EML5: variants seen among roughly 807,000 people sequenced by gnomAD.
EML5 encodes the protein EMAP like 5, also known as echinoderm microtubule-associated protein-like 5.
EML5 carries 120 observed loss-of-function variants against 250.0 expected under a neutral mutation model. The observed-to-expected ratio is 0.48, with a 90% CI of 0.41 to 0.56. The LOEUF is 0.56. Ranked by LOEUF, EML5 falls within the 20% of genes least tolerant of loss-of-function variation. The probability of loss-of-function intolerance (pLI) is 0.00; values close to 1 mark genes in which losing one functional copy is unlikely to be tolerated. For missense variants in EML5, 2,006 were observed against 2,437.6 expected (o/e 0.82, Z 3.73); for synonymous variants, 771 against 806.5 (o/e 0.96, Z 0.75).
intron 1 of EML5, among the ~76,000 whole-genome samples, chr14:88,773,930 C>G (rs2094421132): frequency 6.6e-6 from 1 of 152,054 alleles, no homozygotes; most frequent in African/African-American, 2.4e-5. Context: ...ACCAGCCTGG[C>G]CAACATGGTA....
At chr14:88,622,072 C>G in intron 37 of EML5, 1 of 276,882 alleles carries the variant, frequency 3.6e-6, no homozygotes, top group South Asian at 3.5e-5. Flanking sequence ...CTATTCTACT[C>G]TCCACCTCTG....
chr14:88,726,497 C>G, intron 8 of EML5, 44 bp downstream of exon 8: 1 of 1,520,992 alleles, frequency 6.6e-7, no homozygotes, highest in Admixed American at 1.9e-5. Flanking sequence ...TATTCTGTAT[C>G]ACTGAAGATA....
At position 88,615,725 on chromosome 14, in the gene EML5, T is replaced by G; in HGVS notation, c.*93A>C. On this transcript the variant is annotated 3_prime_UTR_variant, in exon 44 of 44. Transcript: ENST00000554922. The stretch of plus-strand genomic sequence containing the variant: ...CATTTCTCCCTGTTACAGTCTTGGG[T>G]TAGCACCACTTGACCATGCAGGGTT... The G allele has an allele frequency of 8.3e-7, 1 of 1,202,986 alleles. No individual in the cohort carries two copies. The highest frequency in any genetic ancestry group is 1.4e-5 in the South Asian group (1 of 71,684). 74.5% of individuals were successfully genotyped at this position (1,202,986 alleles called of 1,614,324 possible).
intron 21 of EML5, among the ~76,000 whole-genome samples, chr14:88,671,661 CAT>C (rs1232392868): frequency 6.6e-6 from 1 of 152,148 alleles, no homozygotes; most frequent in Non-Finnish European, 1.5e-5. Flanking sequence ...AGATCTATCT[CAT>C]GTGTAAAGAC....
chr14:88,753,389 A>G (rs1229308114), intron 2 of EML5, among the ~76,000 whole-genome samples: 1 of 152,216 alleles, frequency 6.6e-6, no homozygotes, highest in Non-Finnish European at 1.5e-5. Context: ...TAATATATAA[A>G]AACATCTACT....
chr14:88,761,559 G>A (rs1026903419), intron 1 of EML5, among the ~76,000 whole-genome samples: 72 of 152,212 alleles, frequency 4.7e-4, no homozygotes, highest in African/African-American at 1.7e-3. Flanking sequence ...GCATTCCATG[G>A]TGTGTATGTG....
chr14:88,722,651 C>T (rs2093608248), intron 8 of EML5, among the ~76,000 whole-genome samples: 1 of 152,048 alleles, frequency 6.6e-6, no homozygotes, highest in African/African-American at 2.4e-5. Context: ...GGAAAAATAG[C>T]TAATGCATAC....
At chr14:88,721,617 C>G (rs1489408107) in intron 8 of EML5, among the ~76,000 whole-genome samples, 1 of 152,086 alleles carries the variant, frequency 6.6e-6, no homozygotes, top group Non-Finnish European at 1.5e-5. Flanking sequence ...AAAATTAACT[C>G]AAGAGGGATT....
intron 1 of EML5, among the ~76,000 whole-genome samples, chr14:88,765,388 G>T (rs1421512852): frequency 6.6e-6 from 1 of 152,092 alleles, no homozygotes; most frequent in Non-Finnish European, 1.5e-5. Context: ...CTGTCAAGGG[G>T]GAACTGCTCA....
intron 9 of EML5, among the ~76,000 whole-genome samples, chr14:88,713,623 T>C (rs2139888066): frequency 6.6e-6 from 1 of 150,994 alleles, no homozygotes; most frequent in African/African-American, 2.4e-5. Context: ...CTGCTCATTT[T>C]TTTTTTTTTT....
chr14:88,791,505 T>G (rs2094607787), intron 1 of EML5, among the ~76,000 whole-genome samples: 1 of 152,218 alleles, frequency 6.6e-6, no homozygotes, highest in Non-Finnish European at 1.5e-5. Flanking sequence ...GAAAATTACA[T>G]TTCAAATATA....
intron 1 of EML5, among the ~76,000 whole-genome samples, chr14:88,759,685 T>TAAAAAAAAAAAAAAAAAAAAA (rs58676323): frequency 1.2e-4 from 11 of 92,898 alleles, no homozygotes; most frequent in African/African-American, 6.1e-4. Context: ...CACCATCTCT[T>TAAAAAAAAAAAAAAAAAAAAA]AAAAAAAAAA....
Position 88,688,398 on chromosome 14 carries a change from C to T in EML5, c.2615G>A (p.Gly872Glu). Residue 872 changes from glycine to glutamate, a missense_variant, in exon 18 of 44, where the codon GGA becomes GAA. Around this residue, in one of 7 missense-constraint regions of EML5, gnomAD observed 1,375 missense variants for 1,590.3 expected, o/e 0.86. Coordinates refer to ENST00000554922, the MANE Select transcript of EML5 (RefSeq NM_183387.3). ...KNDTMMCAVY[G>E]WTEEMAFSGT... ...AGAAAAAGCCATCTCTTCAGTCCATCCATACACTGCACACATCATTGTGTC... is the reference window on the plus strand; with the variant it reads ...AGAAAAAGCCATCTCTTCAGTCCATTCATACACTGCACACATCATTGTGTC... 6.2e-7 allele frequency: 1 copy of T among 1,613,994 alleles called. No individual in the cohort carries two copies. The highest frequency in any genetic ancestry group is 8.5e-7 in the Non-Finnish European group (1 of 1,179,896).
chr14:88,642,789 C>T lies in EML5; in HGVS notation c.4237+104G>A, dbSNP rs185641205. On this transcript the variant is annotated intron_variant, in intron 31 of 43. Transcript: ENST00000554922. ...TTTTTATTCTGGAGTGTTTCTCCTA[C>T]ATTTCAATTACTATTTATAGCTTTA... is the stretch of plus-strand genomic sequence containing the variant. 1.4e-4 allele frequency: 155 copies of T among 1,089,764 alleles called. 1 individual carries two copies. In the East Asian group the frequency reaches 3.3e-3, roughly 23 times the overall value. The allele number at this position is 1,089,764 out of a possible 1,614,324, so 67.5% of individuals were successfully genotyped here.
In EML5 at chr14:88,625,878, T is replaced by C. The variant is rs369245748; in HGVS notation, c.4741-751A>G. 33 of 152,344 alleles carry C rather than the reference T, an allele frequency of 2.2e-4. 1 individual carries two copies. The highest frequency in any genetic ancestry group is 7.7e-4 in the African/African-American group (32 of 41,562). 9.4% of individuals were successfully genotyped at this position (152,344 alleles called of 1,614,324 possible). ...ATAATCACAAAAACAAAAAATGCACTTAGTTTTTCGATGCACCAAAGGATT... is the reference window on the plus strand; with the variant it reads ...ATAATCACAAAAACAAAAAATGCACCTAGTTTTTCGATGCACCAAAGGATT... On this transcript the variant is annotated intron_variant, in intron 35 of 43. Transcript: ENST00000554922.
At chr14:88,662,525 G>A (rs975211915) in intron 24 of EML5, among the ~76,000 whole-genome samples, 3 of 146,744 alleles carry the variant, frequency 2.0e-5, no homozygotes, top group African/African-American at 7.5e-5. Flanking sequence ...ACAGCTAGCC[G>A]TGCAAGTGAT....
chr14:88,765,398 ACCT>A (rs2094307358), intron 1 of EML5, among the ~76,000 whole-genome samples: 1 of 151,980 alleles, frequency 6.6e-6, no homozygotes, highest in African/African-American at 2.4e-5. Context: ...GGAACTGCTC[ACCT>A]CCTCAAGGCC....
chr14:88,620,936 A>AG lies in EML5; in HGVS notation c.5203-11_5203-10insC. 1.9e-6 allele frequency: 1 copy of AG among 517,156 alleles called. No individual in the cohort carries two copies. The highest frequency in any genetic ancestry group is 8.1e-5 in the East Asian group (1 of 12,340). 32.0% of individuals were successfully genotyped at this position (517,156 alleles called of 1,614,324 possible). A position where few individuals can be genotyped will look rare whatever the true frequency, so the allele number is the denominator to read the frequency against. On this transcript the variant is annotated splice_polypyrimidine_tract_variant and intron_variant, in intron 38 of 43. Transcript: ENST00000554922. This position sits in a 1 kb window ranked among gnomAD's most constrained non-coding sequence, Gnocchi z 4.3. ...CTTTGTTTAACATCTTCTGCATTTAAAAAAAAAAAAAAAAAGAGTCATAGG... is the reference window on the plus strand; with the variant it reads ...CTTTGTTTAACATCTTCTGCATTTAAGAAAAAAAAAAAAAAAGAGTCATAGG...
rs377154150 is a variant in EML5, at chr14:88,661,654, T to G, written c.3675A>C (p.Lys1225Asn). ...AGGAAAGTTAAAGAAAAACACATAC[T>G]TTAGTAGGATATCTAAATAACTTCA... ...GFVKLFRYPT[K>N]GKFGKFKRYV... The change falls in exon 25 of 44, where the codon AAA (lysine) becomes AAC (asparagine). Residue 1225 changes from lysine to asparagine, a missense_variant and splice_region_variant. By Grantham distance (94) the Lys-to-Asn change is moderately conservative. Around this residue, in one of 7 missense-constraint regions of EML5, gnomAD observed 1,375 missense variants for 1,590.3 expected, o/e 0.86. Coordinates refer to ENST00000554922, the MANE Select transcript of EML5 (RefSeq NM_183387.3). 1.2e-6 allele frequency: 2 copies of G among 1,611,188 alleles called. No individual in the cohort carries two copies. The highest frequency in any genetic ancestry group is 1.7e-6 in the Non-Finnish European group (2 of 1,178,684).
Sources: allele counts gnomAD v4.1 joint callset (sites outside exome capture counted in the v4.1 genomes callset), GRCh38; gene constraint gnomAD v4.1.1; regional missense constraint gnomAD v4.1.1; non-coding constraint Gnocchi (gnomAD v3.1); transcripts MANE v1.5; gene names NCBI Gene and HGNC (gene_info 2026-07-23, HGNC 2026-07-21).